Variants in MACF1 observed in about 807,000 individuals in gnomAD.
The protein encoded by MACF1 is microtubule-actin cross-linking factor 1.
MACF1 carries 193 observed loss-of-function variants against 854.8 expected under a neutral mutation model. That is an observed-to-expected ratio of 0.23 (90% CI 0.20 to 0.25). MACF1 has a LOEUF of 0.25. Ranked by LOEUF, MACF1 falls within the 10% of genes least tolerant of loss-of-function variation. MACF1 has a pLI of 1.00. For missense variants in MACF1, 7,722 were observed against 8,929.1 expected, an observed-to-expected ratio of 0.86 and a Z score of 5.45; for synonymous variants, 3,185 against 3,226.7, an observed-to-expected ratio of 0.99 and a Z score of 0.44.
chr1:39,199,724 C>T (rs909882786), upstream of MACF1, among the ~76,000 whole-genome samples: 19 of 152,134 alleles, frequency 1.2e-4, no homozygotes, highest in African/African-American at 4.6e-4. Context: ...CATCACAGCC[C>T]AGGAGCTTCT....
At chr1:39,480,380 G>A (rs529605201) in intron 98 of MACF1, among the ~76,000 whole-genome samples, 2 of 152,292 alleles carry the variant, frequency 1.3e-5, no homozygotes, top group East Asian at 3.9e-4. Context: ...GGAAGCTGTG[G>A]TGGGAGGATC....
chr1:39,285,144 A>G lies in MACF1; in HGVS notation c.1193A>G (p.Glu398Gly). The G allele has an allele frequency of 6.2e-7, 1 of 1,614,222 alleles. No individual in the cohort carries two copies. Among genetic ancestry groups the G allele is most frequent in the Non-Finnish European group, 8.5e-7 (1 of 1,180,038 alleles). Residue 398 changes from glutamate to glycine, a missense_variant, in exon 12 of 101, where the codon GAA becomes GGA. By Grantham distance (98) the Glu-to-Gly change is moderately conservative. Around this residue, in one of 15 missense-constraint regions of MACF1, gnomAD observed 1,137 missense variants for 1,263.0 expected, o/e 0.90. Coordinates refer to ENST00000564288, the MANE Select transcript of MACF1 (RefSeq NM_001394062.1). ...PQGYHPNDVE[E>G]EWGKLIIEML... ...GGTTATCACCCTAATGATGTGGAAGAAGAGTGGGGAAAGCTCATCATAGAG... is the reference window on the plus strand; with the variant it reads ...GGTTATCACCCTAATGATGTGGAAGGAGAGTGGGGAAAGCTCATCATAGAG...
At chr1:39,268,105 T>C (rs1221828386) in intron 6 of MACF1, among the ~76,000 whole-genome samples, 3 of 152,232 alleles carry the variant, frequency 2.0e-5, no homozygotes, top group South Asian at 2.1e-4. Context: ...GGAGCCATAA[T>C]TGCAGCTTCA....
At chr1:39,327,999 T>A (rs1646648463) in intron 36 of MACF1, among the ~76,000 whole-genome samples, 1 of 152,224 alleles carries the variant, frequency 6.6e-6, no homozygotes, top group Non-Finnish European at 1.5e-5. Context: ...CTCTGGGATA[T>A]ATATGTGTGT....
At chr1:39,122,799 C>T (rs1231183608) in intron 2 of MACF1, among the ~76,000 whole-genome samples, 1 of 152,158 alleles carries the variant, frequency 6.6e-6, no homozygotes, top group Admixed American at 6.6e-5. Flanking sequence ...GAAGCATTCT[C>T]GCCAGAGTCA....
intron 70 of MACF1, 61 bp downstream of exon 70, chr1:39,435,822 T>G: frequency 1.4e-6 from 2 of 1,463,832 alleles, no homozygotes; most frequent in African/African-American, 1.4e-5. Flanking sequence ...AAGAGGTCTC[T>G]GTATCAGGTA....
At position 39,298,668 on chromosome 1, in the gene MACF1, G is replaced by A. The variant is rs766128077; in HGVS notation, c.2481+923G>A. ...TTATTTTTTTACACTTTCAGGTATT[G>A]TAAACCTATGAGTGGTTTTACATTC... On this transcript the variant is annotated intron_variant, in intron 21 of 100. Coordinates refer to ENST00000564288, the MANE Select transcript of MACF1 (RefSeq NM_001394062.1). The A allele has an allele frequency of 1.4e-5, 6 of 430,362 alleles. 1 individual carries two copies. Among genetic ancestry groups the A allele is most frequent in the South Asian group, 1.0e-4 (6 of 58,974 alleles). The allele number at this position is 430,362 out of a possible 1,614,324, so 26.7% of individuals were successfully genotyped here.
chr1:39,140,492 G>A (rs1164987059), intron 2 of MACF1, among the ~76,000 whole-genome samples: 1 of 152,236 alleles, frequency 6.6e-6, no homozygotes, highest in Non-Finnish European at 1.5e-5. Context: ...AGGCTGACAA[G>A]TTGAAGAAAT....
intron 2 of MACF1, among the ~76,000 whole-genome samples, chr1:39,096,439 C>T (rs535808402): frequency 3.0e-4 from 45 of 150,572 alleles, no homozygotes; most frequent in African/African-American, 9.7e-4. Context: ...AAGAAAGTTC[C>T]GGTAGCTGGG....
intron 95 of MACF1, 82 bp from the exon 96 acceptor site, chr1:39,468,533 T>C: frequency 8.8e-7 from 1 of 1,131,364 alleles, no homozygotes; most frequent in Non-Finnish European, 1.3e-6. Flanking sequence ...GTCATTCCTG[T>C]CTGAATACAG....
intron 4 of MACF1, chr1:39,254,064 A>G: frequency 2.1e-6 from 1 of 479,376 alleles, no homozygotes; most frequent in East Asian, 3.5e-5. Flanking sequence ...GTCAAACAGT[A>G]TTCTGTGTTT....
intron 85 of MACF1, among the ~76,000 whole-genome samples, chr1:39,451,415 G>A (rs556249768): frequency 1.3e-5 from 2 of 152,262 alleles, no homozygotes; most frequent in South Asian, 4.1e-4. Context: ...TTCAGATTTG[G>A]CAATGTGTAA....
At chr1:39,186,566 A>T (rs1186995044) in intron 2 of MACF1, among the ~76,000 whole-genome samples, 1 of 152,060 alleles carries the variant, frequency 6.6e-6, no homozygotes, top group African/African-American at 2.4e-5. Flanking sequence ...TTAAAAGGTT[A>T]AAATATTACT....
At chr1:39,160,546 G>A (rs1055523073) in intron 2 of MACF1, among the ~76,000 whole-genome samples, 1 of 152,122 alleles carries the variant, frequency 6.6e-6, no homozygotes, top group East Asian at 1.9e-4. Context: ...AGTCTTTATA[G>A]CATAAAACAT....
At chr1:39,292,246 C>T (rs929975365) in intron 16 of MACF1, among the ~76,000 whole-genome samples, 3 of 152,148 alleles carry the variant, frequency 2.0e-5, no homozygotes, top group Non-Finnish European at 2.9e-5. Flanking sequence ...TTTTTATTAA[C>T]CCCTTTTTAC....
At position 39,381,878 on chromosome 1, in the gene MACF1, T is replaced by C. The variant is rs533863860; in HGVS notation, c.13649-75T>C. 2.3e-5 allele frequency: 23 copies of C among 1,009,252 alleles called. No homozygotes were observed. In the Admixed American group the frequency reaches 3.1e-4, roughly 13 times the overall value. 62.5% of individuals were successfully genotyped at this position (1,009,252 alleles called of 1,614,324 possible). ...TTCTGGGGTCATTTCCTGCAGTATA[T>C]TAGGAACATAACTTAGGTACCAGGC... On this transcript the variant is annotated intron_variant, in intron 55 of 100. Transcript: ENST00000564288.
chr1:39,440,924 G>C, intron 72 of MACF1, 79 bp from the exon 73 acceptor site: 1 of 1,457,980 alleles, frequency 6.9e-7, no homozygotes, highest in Non-Finnish European at 9.6e-7. Context: ...TATTGATGGG[G>C]TATAAATCAC....
chr1:39,219,582 T>C (rs193045855), intron 1 of MACF1, among the ~76,000 whole-genome samples: 1 of 152,346 alleles, frequency 6.6e-6, no homozygotes, highest in Admixed American at 6.5e-5. Flanking sequence ...TTATACATTA[T>C]TGCTGAACAC....
At chr1:39,194,554 C>G (rs1274877981) in intron 2 of MACF1, among the ~76,000 whole-genome samples, 1 of 151,538 alleles carries the variant, frequency 6.6e-6, no homozygotes, top group Non-Finnish European at 1.5e-5. Context: ...GGTGGCCAGG[C>G]TGGTCTTGAA....
Sources: gnomAD v4.1 joint callset for allele counts (sites outside exome capture counted in the v4.1 genomes callset) on GRCh38, gnomAD v4.1.1 for gene constraint, gnomAD v4.1.1 regional missense constraint, MANE v1.5 for transcripts, NCBI Gene and HGNC (gene_info 2026-07-23, HGNC 2026-07-21) for gene names.